Variants in RAB38 observed in about 807,000 individuals in gnomAD.
The protein encoded by RAB38 is RAB38, member RAS oncogene family.
In RAB38, 15 loss-of-function variants were observed where a neutral mutation model predicts 18.4. The observed-to-expected ratio is 0.82, with a 90% CI of 0.55 to 1.26. RAB38 has a LOEUF of 1.26. Among genes scored for constraint, RAB38 ranks in the 50% most tolerant of loss-of-function variants. The pLI, the probability that RAB38 is intolerant of heterozygous loss-of-function variation, is 0.00. For missense variants in RAB38, 294 were observed against 267.4 expected (o/e 1.10, Z -0.69); for synonymous variants, 101 against 104.4 (o/e 0.97, Z 0.20).
the RAB38 span, among the ~76,000 whole-genome samples, chr11:88,056,253 A>G: frequency 1.3e-5 from 2 of 152,132 alleles, no homozygotes; most frequent in African/African-American, 4.8e-5. Flanking sequence ...AAGGTGACTA[A>G]GGGAGCCACA....
chr11:88,077,165 T>C, the RAB38 span, among the ~76,000 whole-genome samples: 1 of 151,880 alleles, frequency 6.6e-6, no homozygotes, highest in East Asian at 1.9e-4. Context: ...TGGAAAGTTA[T>C]TACATATTCA....
the RAB38 span, among the ~76,000 whole-genome samples, chr11:87,817,841 C>A: frequency 1.3e-5 from 2 of 152,090 alleles, no homozygotes; most frequent in Non-Finnish European, 2.9e-5. Context: ...AATTGATCAT[C>A]TCAAATGCAG....
chr11:87,958,620 G>C, the RAB38 span, among the ~76,000 whole-genome samples: 1 of 152,118 alleles, frequency 6.6e-6, no homozygotes, highest in African/African-American at 2.4e-5. Flanking sequence ...GAAACCTAAA[G>C]ATGTCCTTGA....
chr11:88,108,216 G>A, the RAB38 span, among the ~76,000 whole-genome samples: 1 of 152,060 alleles, frequency 6.6e-6, no homozygotes, highest in African/African-American at 2.4e-5. Flanking sequence ...TATTGATAGT[G>A]GGTGTTAAAG....
intron 2 of RAB38, among the ~76,000 whole-genome samples, chr11:88,137,828 C>G (rs1271138064): frequency 1.3e-5 from 2 of 152,220 alleles, no homozygotes; most frequent in East Asian, 3.9e-4. Flanking sequence ...ATGCACAAAG[C>G]TTTAAGAATG....
At chr11:88,151,444 G>A (rs1943062561) in intron 1 of RAB38, among the ~76,000 whole-genome samples, 1 of 152,160 alleles carries the variant, frequency 6.6e-6, no homozygotes, top group Non-Finnish European at 1.5e-5. Flanking sequence ...CTGAAGACAG[G>A]AGCTAATGAA....
the RAB38 span, among the ~76,000 whole-genome samples, chr11:88,025,950 A>G: frequency 1.3e-5 from 2 of 151,990 alleles, no homozygotes; most frequent in African/African-American, 4.8e-5. Flanking sequence ...CCAAAGGCCA[A>G]TCTACAGAAT....
At chr11:87,840,002 T>C in the RAB38 span, among the ~76,000 whole-genome samples, 2 of 152,208 alleles carry the variant, frequency 1.3e-5, no homozygotes, top group Non-Finnish European at 2.9e-5. Flanking sequence ...GATCTCATTA[T>C]GTAAACCAGT....
chr11:88,079,837 T>C, the RAB38 span, among the ~76,000 whole-genome samples: 9 of 151,644 alleles, frequency 5.9e-5, no homozygotes, highest in Non-Finnish European at 1.0e-4. Flanking sequence ...TTTGAAAGAA[T>C]TGAATTCTCA....
the RAB38 span, among the ~76,000 whole-genome samples, chr11:88,064,853 A>G: frequency 6.6e-6 from 1 of 152,074 alleles, no homozygotes; most frequent in African/African-American, 2.4e-5. Context: ...CTGTTTGTCA[A>G]ATATTATTCT....
chr11:87,957,659 C>A, the RAB38 span, among the ~76,000 whole-genome samples: 1 of 152,090 alleles, frequency 6.6e-6, no homozygotes, highest in East Asian at 1.9e-4. Flanking sequence ...ACCCTCATGA[C>A]CTGCTTTCAG....
the RAB38 span, chr11:87,815,933 T>C: frequency 6.6e-6 from 1 of 152,446 alleles, no homozygotes; most frequent in Non-Finnish European, 1.5e-5. Flanking sequence ...TATTCAGTCA[T>C]AGTTTACATC....
At chr11:87,939,033 G>A in the RAB38 span, among the ~76,000 whole-genome samples, 33 of 151,960 alleles carry the variant, frequency 2.2e-4, no homozygotes, top group Admixed American at 1.5e-3. Flanking sequence ...GCCAGATAAC[G>A]AATACTATCC....
intron 2 of RAB38, among the ~76,000 whole-genome samples, chr11:88,141,606 C>CT (rs1286857653): frequency 6.6e-6 from 1 of 152,174 alleles, no homozygotes; most frequent in Non-Finnish European, 1.5e-5. Flanking sequence ...ACTGTTGAAT[C>CT]TTTGAGTTCA....
chr11:87,943,864 A>C, the RAB38 span, among the ~76,000 whole-genome samples: 3 of 152,190 alleles, frequency 2.0e-5, no homozygotes, highest in Admixed American at 6.6e-5. Flanking sequence ...CTCAGTTCAC[A>C]AAGTTGAGTA....
the RAB38 span, among the ~76,000 whole-genome samples, chr11:88,028,479 G>C: frequency 1.3e-5 from 2 of 152,072 alleles, no homozygotes; most frequent in Non-Finnish European, 2.9e-5. Flanking sequence ...TGAAAACTTT[G>C]AAAAAAATTT....
intron 2 of RAB38, among the ~76,000 whole-genome samples, chr11:88,129,065 A>G (rs1942737745): frequency 6.6e-6 from 1 of 152,206 alleles, no homozygotes; most frequent in South Asian, 2.1e-4. Flanking sequence ...CACATTTTAG[A>G]TAGACATAAG....
the RAB38 span, among the ~76,000 whole-genome samples, chr11:88,106,187 AG>A: frequency 6.6e-6 from 1 of 151,518 alleles, no homozygotes; most frequent in Non-Finnish European, 1.5e-5. Flanking sequence ...TATCACAGAG[AG>A]AAAAAAAAGA....
At chr11:87,940,104 A>C in the RAB38 span, among the ~76,000 whole-genome samples, 1 of 151,796 alleles carries the variant, frequency 6.6e-6, no homozygotes, top group Non-Finnish European at 1.5e-5. Context: ...ATAAATCTCT[A>C]GTCATACTAA....
Sources: gnomAD v4.1 joint callset for allele counts (sites outside exome capture counted in the v4.1 genomes callset) on GRCh38, gnomAD v4.1.1 for gene constraint, MANE v1.5 for transcripts, NCBI Gene and HGNC (gene_info 2026-07-23, HGNC 2026-07-21) for gene names.